Variants in DGUOK observed in about 807,000 individuals in gnomAD.
The protein encoded by DGUOK is deoxyguanosine kinase, mitochondrial.
In DGUOK, 30 loss-of-function variants were observed where a neutral mutation model predicts 36.6. The observed-to-expected ratio is 0.82, with a 90% CI of 0.61 to 1.11. DGUOK has a LOEUF of 1.11. Among genes scored for constraint, DGUOK ranks in the 50% most tolerant of loss-of-function variants. DGUOK has a pLI of 0.00. For synonymous variants in DGUOK, 145 were observed against 126.3 expected (o/e 1.15, Z -0.99); for missense variants, 361 against 336.4 (o/e 1.07, Z -0.57).
chr2:73,948,545 G>C (rs1278411716), intron 3 of DGUOK, among the ~76,000 whole-genome samples: 2 of 152,194 alleles, frequency 1.3e-5, no homozygotes, highest in Non-Finnish European at 2.9e-5. Context: ...GAAGCACCAA[G>C]GCTGGCCCTG....
At chr2:73,948,962 T>C (rs1275062207) in intron 3 of DGUOK, among the ~76,000 whole-genome samples, 1 of 152,176 alleles carries the variant, frequency 6.6e-6, no homozygotes, top group Non-Finnish European at 1.5e-5. Context: ...AAGATCCTTT[T>C]TTGTTTTAAG....
At chr2:73,929,400 G>C (rs1680847421) in intron 1 of DGUOK, among the ~76,000 whole-genome samples, 2 of 152,312 alleles carry the variant, frequency 1.3e-5, no homozygotes, top group Middle Eastern at 3.4e-3. Context: ...GTGAGCCTTG[G>C]TTTTAAGCAT....
Position 73,938,911 on chromosome 2 carries a change from T to C in DGUOK, c.144T>C (p.Ala48=), listed in dbSNP as rs775375515. 6 of 1,608,706 alleles carry C rather than the reference T, an allele frequency of 3.7e-6. No individual in the cohort carries two copies. Among genetic ancestry groups the C allele is most frequent in the Non-Finnish European group, 5.1e-6 (6 of 1,175,060 alleles). The change falls in exon 2 of 7, where the codon GCT becomes GCC. Residue 48 remains alanine, a splice_region_variant and synonymous_variant. Coordinates refer to ENST00000264093, the MANE Select transcript of DGUOK (RefSeq NM_080916.3). ...PRRLSIEGNI[A]VGKSTFVKLL... ...CAATACATGCTATTTGCATTGCAGC[T>C]GTGGGAAAGTCCACGTTTGTGAAGT... is the stretch of plus-strand genomic sequence containing the variant.
rs1330735687 is a variant in DGUOK, at chr2:73,958,941, A to C, written c.*205A>C. The C allele has an allele frequency of 6.6e-6, 4 of 606,218 alleles. No homozygotes were observed. Among genetic ancestry groups the C allele is most frequent in the African/African-American group, 1.9e-5 (1 of 53,934 alleles). The allele number at this position is 606,218 out of a possible 1,614,324, so 37.6% of individuals were successfully genotyped here. On this transcript the variant is annotated 3_prime_UTR_variant, in exon 7 of 7. Transcript: ENST00000264093. ...AGCATTTTGAAAATAAAGTTTACTTAAGTTATGCTTGTTTTTCTAATTCAG... is the reference window on the plus strand; with the variant it reads ...AGCATTTTGAAAATAAAGTTTACTTCAGTTATGCTTGTTTTTCTAATTCAG...
rs1388037564 is a variant in DGUOK at position 73,958,742 on chromosome 2, A to G, written c.*6A>G. ...CCTTTGTAAAGAATCTGTAACCAAT[A>G]CCATGAAGTTCAGGCTGTGATCTGG... On this transcript the variant is annotated 3_prime_UTR_variant, in exon 7 of 7. Transcript: ENST00000264093. The G allele has an allele frequency of 6.2e-7, 1 of 1,611,244 alleles. No homozygotes were observed. Among genetic ancestry groups the G allele is most frequent in the Non-Finnish European group, 8.5e-7 (1 of 1,177,338 alleles).
At chr2:73,953,303 TC>T (rs1682837341) in intron 4 of DGUOK, among the ~76,000 whole-genome samples, 1 of 137,968 alleles carries the variant, frequency 7.2e-6, no homozygotes, top group Non-Finnish European at 1.5e-5. Flanking sequence ...GTCGTCGTCG[TC>T]GTCGTCGTCG....
chr2:73,956,858 T>C (rs1054536311), intron 4 of DGUOK, among the ~76,000 whole-genome samples: 1 of 152,190 alleles, frequency 6.6e-6, no homozygotes, highest in Non-Finnish European at 1.5e-5. Flanking sequence ...CAAGGAAAAT[T>C]CCAGGTCCGT....
At chr2:73,937,728 G>A (rs983282430) in intron 1 of DGUOK, among the ~76,000 whole-genome samples, 1 of 152,202 alleles carries the variant, frequency 6.6e-6, no homozygotes, top group African/African-American at 2.4e-5. Context: ...TTCTTGAATA[G>A]TCTCTGGAGC....
chr2:73,948,591 G>A (rs912880713), intron 3 of DGUOK, among the ~76,000 whole-genome samples: 3 of 152,238 alleles, frequency 2.0e-5, no homozygotes, highest in African/African-American at 7.2e-5. Context: ...CCCAGTCCCT[G>A]CCTAACAGGG....
chr2:73,956,494 T>A (rs936030274), intron 4 of DGUOK, among the ~76,000 whole-genome samples: 4 of 151,034 alleles, frequency 2.6e-5, no homozygotes, highest in Non-Finnish European at 5.9e-5. Context: ...ACGGGTGGAG[T>A]GAAGGGGAAA....
Position 73,957,543 on chromosome 2 carries a change from A to AGGC in DGUOK, c.707+305_707+307dup, listed in dbSNP as rs928896634. Among the ~76,000 whole-genome samples, 90 of 152,262 alleles carry AGGC rather than the reference A, an allele frequency of 5.9e-4. No individual in the cohort carries two copies. In the Middle Eastern group the frequency reaches 0.01, roughly 17 times the overall value. ...AGAAAAATTAGCCAGGTGTGGTGTC[A>AGGC]GGCGCCTGTAATACCAGCTACTCGG... On this transcript the variant is annotated intron_variant, in intron 5 of 6. Transcript: ENST00000264093.
Position 73,950,721 on chromosome 2 carries a change from G to A in DGUOK, c.580G>A (p.Ala194Thr). 1.9e-6 allele frequency: 3 copies of A among 1,614,120 alleles called. No individual in the cohort carries two copies. The highest frequency in any genetic ancestry group is 2.5e-6 in the Non-Finnish European group (3 of 1,180,020). Residue 194 changes from alanine (A) to threonine (T), a missense_variant, in exon 4 of 7, where the codon GCT becomes ACT. By Grantham distance (58) the Ala-to-Thr change is moderately conservative. Transcript: ENST00000264093. ...ATTACATGGCTTCATCTACCTCCAGGCTTCTCCCCAGGTAACACTGAACCT... is the reference window on the plus strand; with the variant it reads ...ATTACATGGCTTCATCTACCTCCAGACTTCTCCCCAGGTAACACTGAACCT... ...ITLHGFIYLQ[A>T]SPQVCLKRLY...
At chr2:73,929,441 A>T (rs1034848626) in intron 1 of DGUOK, among the ~76,000 whole-genome samples, 1 of 152,208 alleles carries the variant, frequency 6.6e-6, no homozygotes, top group African/African-American at 2.4e-5. Flanking sequence ...TTAATATCCA[A>T]GTAGAGGTGT....
chr2:73,932,813 T>TA (rs1282307934), intron 1 of DGUOK: 10 of 361,706 alleles, frequency 2.8e-5, no homozygotes, highest in Admixed American at 1.8e-4. Context: ...TAGCATGACT[T>TA]ACGAAGCCAT....
intron 4 of DGUOK, among the ~76,000 whole-genome samples, chr2:73,954,983 G>C (rs1426764329): frequency 6.6e-6 from 1 of 152,064 alleles, no homozygotes; most frequent in African/African-American, 2.4e-5. Flanking sequence ...TATCAGTAAA[G>C]CAAGAGTTAT....
rs1198268061 is a variant in DGUOK at position 73,943,584 on chromosome 2, T to C, written c.256-3135T>C. On this transcript the variant is annotated intron_variant, in intron 2 of 6. Transcript: ENST00000264093. ...GTATGATAGAAATCATCTTTAAGATTATATGGATTCAGTACTGTTTGAGGG... is the reference window on the plus strand; with the variant it reads ...GTATGATAGAAATCATCTTTAAGATCATATGGATTCAGTACTGTTTGAGGG... Among the ~76,000 whole-genome samples, 61 of 152,114 alleles carry C rather than the reference T, an allele frequency of 4.0e-4. 1 individual carries two copies. The highest frequency in any genetic ancestry group is 4.0e-3 in the Admixed American group (61 of 15,276).
intron 4 of DGUOK, among the ~76,000 whole-genome samples, chr2:73,953,704 A>G (rs889896428): frequency 2.4e-5 from 3 of 125,832 alleles, no homozygotes; most frequent in African/African-American, 8.7e-5. Context: ...CTTTCTACCT[A>G]TTCTTCCCTA....
At chr2:73,958,073 T>C in intron 5 of DGUOK, 73 bp from the exon 6 acceptor site, 1 of 1,153,554 alleles carries the variant, frequency 8.7e-7, no homozygotes, top group Non-Finnish European at 1.3e-6. Context: ...GAGTAAGACT[T>C]GGCGAGTATG....
At position 73,957,138 on chromosome 2, in the gene DGUOK, G is replaced by T; in HGVS notation, c.605G>T (p.Arg202Ile). 1.2e-6 allele frequency: 2 copies of T among 1,613,916 alleles called. No homozygotes were observed. Among genetic ancestry groups the T allele is most frequent in the Non-Finnish European group, 1.7e-6 (2 of 1,179,838 alleles). Residue 202 changes from arginine to isoleucine, a missense_variant, in exon 5 of 7, where the codon AGA (arginine) becomes ATA (isoleucine). Arg to Ile is a moderately conservative substitution (Grantham distance 97). Coordinates refer to ENST00000264093, the MANE Select transcript of DGUOK (RefSeq NM_080916.3). ...LQASPQVCLKRLYQRAREEEK... is the reference protein window; with the variant it reads ...LQASPQVCLKILYQRAREEEK... ...ACTGTCTTTTAGGTTTGTTTGAAGA[G>T]ACTGTACCAGAGGGCCAGGGAGGAG...
Sources: gnomAD v4.1 joint callset for allele counts (sites outside exome capture counted in the v4.1 genomes callset) on GRCh38, gnomAD v4.1.1 for gene constraint, MANE v1.5 for transcripts, NCBI Gene and HGNC (gene_info 2026-07-23, HGNC 2026-07-21) for gene names.